Variants in COLGALT2 observed in about 807,000 individuals in gnomAD.
COLGALT2 encodes the protein procollagen galactosyltransferase 2.
A neutral mutation model predicts 73.4 loss-of-function variants in COLGALT2; 49 were observed. The observed-to-expected ratio is 0.67, with a 90% CI of 0.53 to 0.85. The LOEUF (loss-of-function observed/expected upper bound fraction) is 0.85, where lower values mean the gene tolerates loss of function less well. Ranked by LOEUF, COLGALT2 falls within the 40% of genes least tolerant of loss-of-function variation. The probability of loss-of-function intolerance (pLI) is 0.00; values close to 1 mark genes in which losing one functional copy is unlikely to be tolerated. For missense variants in COLGALT2, 722 were observed against 790.2 expected (o/e 0.91, Z 1.03); for synonymous variants, 295 against 307.6 (o/e 0.96, Z 0.43).
intron 1 of COLGALT2, among the ~76,000 whole-genome samples, chr1:183,990,877 T>C (rs1671612130): frequency 6.6e-6 from 1 of 152,238 alleles, no homozygotes; most frequent in Non-Finnish European, 1.5e-5. Flanking sequence ...CCCCCTTTCC[T>C]GGGTCCCTAG....
In COLGALT2 at chr1:184,004,939, C is replaced by G. The variant is rs75217562; in HGVS notation, c.264-26419G>C. On this transcript the variant is annotated intron_variant, in intron 1 of 11. Transcript: ENST00000361927. ...AAGGCCATCAAAACCTTCCTCATAT[C>G]ATGAAGTTTGTGAAAACCATTGGGA... 6.3e-3 allele frequency among the ~76,000 whole-genome samples: 955 copies of G among 152,272 alleles called. 5 individuals carry two copies. Among genetic ancestry groups the G allele is most frequent in the African/African-American group, 0.021 (878 of 41,548 alleles).
At chr1:183,933,028 T>C (rs774794445), downstream of COLGALT2, among the ~76,000 whole-genome samples, 77 of 152,152 alleles carry the variant, frequency 5.1e-4, no homozygotes, top group Admixed American at 1.2e-3. Flanking sequence ...TCCCCAAGCA[T>C]TGGGGGCACT....
At chr1:184,021,019 G>A (rs1649164279) in intron 1 of COLGALT2, among the ~76,000 whole-genome samples, 1 of 151,942 alleles carries the variant, frequency 6.6e-6, no homozygotes, top group South Asian at 2.1e-4. Context: ...TTATAATCTG[G>A]CCTGAGAAGT....
chr1:183,988,172 G>C (rs1296409016), intron 1 of COLGALT2, among the ~76,000 whole-genome samples: 1 of 152,142 alleles, frequency 6.6e-6, no homozygotes, highest in African/African-American at 2.4e-5. Flanking sequence ...GATTGAGCAA[G>C]ATGTAACTAA....
chr1:184,010,364 TTTTACCAACTGTGTCTACAGGTA>T (rs1480781574), intron 1 of COLGALT2, among the ~76,000 whole-genome samples: 2 of 152,154 alleles, frequency 1.3e-5, no homozygotes, highest in Admixed American at 6.5e-5. Flanking sequence ...CTGCTACAGG[TTTTACCAACTGTGTCTACAGGTA>T]TTTACCAACT....
At chr1:183,984,032 C>T (rs1485502346) in intron 1 of COLGALT2, among the ~76,000 whole-genome samples, 1 of 152,198 alleles carries the variant, frequency 6.6e-6, no homozygotes, top group Non-Finnish European at 1.5e-5. Context: ...GTCTTTGCCT[C>T]AATTCTCCAA....
rs371050655 is a variant in COLGALT2 at position 184,009,601 on chromosome 1, A to T, written c.263+27494T>A. Among the ~76,000 whole-genome samples the T allele has an allele frequency of 3.9e-5, 6 of 152,270 alleles. No individual in the cohort carries two copies. The East Asian group carries it at 1.2e-3, about 29-fold the overall frequency. On this transcript the variant is annotated intron_variant, in intron 1 of 11. Coordinates refer to ENST00000361927, the MANE Select transcript of COLGALT2 (RefSeq NM_015101.4). The stretch of plus-strand genomic sequence containing the variant: ...ATAACAGTTTTTATGATTCTTTCAG[A>T]TTTTAAACAGAGAATTATGAGTAGA...
downstream of COLGALT2, among the ~76,000 whole-genome samples, chr1:183,931,665 C>CA (rs921708771): frequency 5.3e-5 from 8 of 152,026 alleles, no homozygotes; most frequent in African/African-American, 1.9e-4. Context: ...TATCAGTATC[C>CA]AAGTGCTTTA....
At chr1:184,029,934 A>G (rs1161318232) in intron 1 of COLGALT2, among the ~76,000 whole-genome samples, 1 of 152,240 alleles carries the variant, frequency 6.6e-6, no homozygotes, top group Non-Finnish European at 1.5e-5. Flanking sequence ...CTGGATATGT[A>G]AAACACTCAT....
chr1:184,015,694 G>T (rs1228883011), intron 1 of COLGALT2, among the ~76,000 whole-genome samples: 1 of 152,206 alleles, frequency 6.6e-6, no homozygotes, highest in Non-Finnish European at 1.5e-5. Flanking sequence ...TCTGTTGAAA[G>T]TTAGGGAAGA....
At chr1:183,935,113 T>C (rs945348310), downstream of COLGALT2, among the ~76,000 whole-genome samples, 1 of 152,244 alleles carries the variant, frequency 6.6e-6, no homozygotes, top group Non-Finnish European at 1.5e-5. Flanking sequence ...CTCCACCCAC[T>C]GTGCCCAGCC....
intron 1 of COLGALT2, among the ~76,000 whole-genome samples, chr1:183,994,131 C>T (rs1047842374): frequency 7.0e-5 from 10 of 142,106 alleles, no homozygotes; most frequent in South Asian, 2.2e-4. Flanking sequence ...CTCCAGCTCC[C>T]GGGTTCACAC....
rs903712482 is a variant in COLGALT2 at position 183,937,381 on chromosome 1, G to A, written c.*1380C>T. The A allele has an allele frequency of 2.9e-5, 29 of 999,234 alleles. No individual in the cohort carries two copies. Among genetic ancestry groups the A allele is most frequent in the Middle Eastern group, 1.0e-3 (2 of 1,980 alleles). The allele number at this position is 999,234 out of a possible 1,614,324, so 61.9% of individuals were successfully genotyped here. Reference sequence around the variant, plus strand: ...TACTAGGATGACAGATTGTGGAGTGGGAAGAAATCGTGTAGTCCAACTCTG... The same window carrying A: ...TACTAGGATGACAGATTGTGGAGTGAGAAGAAATCGTGTAGTCCAACTCTG... On this transcript the variant is annotated 3_prime_UTR_variant, in exon 12 of 12. Coordinates refer to ENST00000361927, the MANE Select transcript of COLGALT2 (RefSeq NM_015101.4).
intron 6 of COLGALT2, among the ~76,000 whole-genome samples, chr1:183,958,095 C>G (rs190227743): frequency 2.6e-5 from 4 of 152,090 alleles, no homozygotes; most frequent in Admixed American, 1.3e-4. Flanking sequence ...GGCAGCACAT[C>G]CCCAAATTCT....
intron 2 of COLGALT2, among the ~76,000 whole-genome samples, chr1:183,975,615 G>A (rs1671168617): frequency 6.6e-6 from 1 of 152,164 alleles, no homozygotes. Flanking sequence ...TCCCGACATC[G>A]AATAGATTTG....
intron 1 of COLGALT2, among the ~76,000 whole-genome samples, chr1:183,982,766 C>A (rs1167180157): frequency 6.6e-6 from 1 of 152,160 alleles, no homozygotes; most frequent in Non-Finnish European, 1.5e-5. Context: ...ATAGTCACTG[C>A]ACTCCAGCCT....
At chr1:183,978,189 T>C (rs1671257533) in intron 2 of COLGALT2, among the ~76,000 whole-genome samples, 1 of 152,156 alleles carries the variant, frequency 6.6e-6, no homozygotes, top group Non-Finnish European at 1.5e-5. Flanking sequence ...ATTTATGAAG[T>C]AATGAAAATC....
intron 6 of COLGALT2, among the ~76,000 whole-genome samples, chr1:183,960,999 G>A (rs546955355): frequency 6.6e-6 from 1 of 152,148 alleles, no homozygotes; most frequent in African/African-American, 2.4e-5. Flanking sequence ...ATTAGAGAAG[G>A]ATACTTGACT....
Position 184,037,507 on chromosome 1 carries a change from T to C in COLGALT2, c.-150A>G, listed in dbSNP as rs1649733597. 4.3e-6 allele frequency: 5 copies of C among 1,160,584 alleles called. No homozygotes were observed. The highest frequency in any genetic ancestry group is 5.3e-6 in the Non-Finnish European group (5 of 943,610). 71.9% of individuals were successfully genotyped at this position (1,160,584 alleles called of 1,614,324 possible). ...CGGCCGGCCGGCTCACACACTGGCCTCGGCGGCTGCGGTTCCCAGGACCCT... is the reference window on the plus strand; with the variant it reads ...CGGCCGGCCGGCTCACACACTGGCCCCGGCGGCTGCGGTTCCCAGGACCCT... On this transcript the variant is annotated 5_prime_UTR_variant, in exon 1 of 12. Transcript: ENST00000361927.
Sources: allele counts gnomAD v4.1 joint callset (sites outside exome capture counted in the v4.1 genomes callset), GRCh38; gene constraint gnomAD v4.1.1; transcripts MANE v1.5; gene names NCBI Gene and HGNC (gene_info 2026-07-23, HGNC 2026-07-21).